Variants in HS6ST3 observed in about 807,000 individuals in gnomAD.
HS6ST3 encodes the protein heparan sulfate 6-O-sulfotransferase 3.
Under a neutral mutation model 36.7 loss-of-function variants are expected in HS6ST3, and 12 were observed. The ratio of observed to expected loss-of-function variants is 0.33; its 90% CI spans 0.21 to 0.53. The LOEUF is 0.53. Among genes scored for constraint, HS6ST3 ranks in the 20% least tolerant of loss-of-function variants. The pLI, the probability that HS6ST3 is intolerant of heterozygous loss-of-function variation, is 0.95. For missense variants in HS6ST3, 584 were observed against 640.9 expected (o/e 0.91, Z 0.96); for synonymous variants, 240 against 257.5 (o/e 0.93, Z 0.65).
intron 1 of HS6ST3, among the ~76,000 whole-genome samples, chr13:96,097,420 T>C (rs1390095517): frequency 1.3e-5 from 2 of 152,182 alleles, no homozygotes; most frequent in Non-Finnish European, 2.9e-5. Context: ...AATCCTAATG[T>C]GATTTTAAGA....
intron 1 of HS6ST3, among the ~76,000 whole-genome samples, chr13:96,104,486 T>C (rs1473877239): frequency 1.3e-5 from 2 of 152,208 alleles, no homozygotes; most frequent in African/African-American, 2.4e-5. Flanking sequence ...TTGCTGACCC[T>C]GAAGGAACTG....
chr13:96,193,504 C>T (rs1174509295), intron 1 of HS6ST3, among the ~76,000 whole-genome samples: 3 of 151,946 alleles, frequency 2.0e-5, no homozygotes, highest in Admixed American at 6.6e-5. Context: ...CTGGGGGAGG[C>T]TAGGGATAAA....
chr13:96,461,575 C>G (rs2055784439), intron 1 of HS6ST3, among the ~76,000 whole-genome samples: 1 of 152,152 alleles, frequency 6.6e-6, no homozygotes, highest in Admixed American at 6.5e-5. Context: ...TTTTAAAAAT[C>G]TTTTAAACTG....
chr13:96,544,688 C>T (rs1384247974), intron 1 of HS6ST3, among the ~76,000 whole-genome samples: 1 of 152,080 alleles, frequency 6.6e-6, no homozygotes, highest in Non-Finnish European at 1.5e-5. Context: ...TATTTTTCAG[C>T]GTTGACCCTC....
intron 1 of HS6ST3, among the ~76,000 whole-genome samples, chr13:96,685,257 C>T: frequency 6.6e-6 from 1 of 152,024 alleles, no homozygotes; most frequent in East Asian, 1.9e-4. Context: ...TTGCTTAAGT[C>T]AAGAGGATTT....
chr13:96,313,389 T>A (rs939969001), intron 1 of HS6ST3, among the ~76,000 whole-genome samples: 1 of 151,942 alleles, frequency 6.6e-6, no homozygotes, highest in Non-Finnish European at 1.5e-5. Context: ...ATCCCTATCA[T>A]GTTTAAAGGC....
chr13:96,462,607 A>G (rs925450005), intron 1 of HS6ST3, among the ~76,000 whole-genome samples: 1 of 152,180 alleles, frequency 6.6e-6, no homozygotes, highest in Non-Finnish European at 1.5e-5. Context: ...TTTATTATAC[A>G]GGAGATTTCA....
intron 1 of HS6ST3, among the ~76,000 whole-genome samples, chr13:96,327,502 T>G (rs1207208937): frequency 6.6e-6 from 1 of 152,046 alleles, no homozygotes; most frequent in Non-Finnish European, 1.5e-5. Context: ...ATATGTGGCG[T>G]TATTTCTGAG....
chr13:96,272,930 T>C (rs2054728347), intron 1 of HS6ST3, among the ~76,000 whole-genome samples: 1 of 151,976 alleles, frequency 6.6e-6, no homozygotes, highest in African/African-American at 2.4e-5. Context: ...GTCTTATTCA[T>C]TGTGTTATCC....
intron 1 of HS6ST3, among the ~76,000 whole-genome samples, chr13:96,435,141 A>G (rs1156630142): frequency 1.3e-5 from 2 of 152,216 alleles, no homozygotes; most frequent in East Asian, 1.9e-4. Context: ...TGAAAATTCT[A>G]ATTGCAGTGG....
At chr13:96,604,450 C>T (rs1000767586) in intron 1 of HS6ST3, among the ~76,000 whole-genome samples, 4 of 152,224 alleles carry the variant, frequency 2.6e-5, no homozygotes, top group African/African-American at 7.2e-5. Context: ...GATGACAATG[C>T]ATATTGGTTG....
intron 1 of HS6ST3, among the ~76,000 whole-genome samples, chr13:96,197,418 A>G (rs993161713): frequency 1.3e-5 from 2 of 152,224 alleles, no homozygotes; most frequent in African/African-American, 2.4e-5. Flanking sequence ...GGGAGCTACA[A>G]TTCAAGTTGA....
At chr13:96,314,809 T>C (rs1297954315) in intron 1 of HS6ST3, among the ~76,000 whole-genome samples, 1 of 152,216 alleles carries the variant, frequency 6.6e-6, no homozygotes, top group Non-Finnish European at 1.5e-5. Context: ...GAATCCTCTA[T>C]TTATTGGCCA....
chr13:96,558,487 A>G (rs1025585394), intron 1 of HS6ST3, among the ~76,000 whole-genome samples: 5 of 152,198 alleles, frequency 3.3e-5, no homozygotes, highest in Non-Finnish European at 7.3e-5. Context: ...CTGAGCTATA[A>G]GAGGTTCATT....
intron 1 of HS6ST3, among the ~76,000 whole-genome samples, chr13:96,138,395 TTTATAAATATATATTTAC>T (rs1326497718): frequency 1.3e-4 from 6 of 46,118 alleles, no homozygotes; most frequent in Non-Finnish European, 2.7e-4. Context: ...ATGTTTACAG[TTTATAAATATATATTTAC>T]AGTTTATAAA....
intron 1 of HS6ST3, among the ~76,000 whole-genome samples, chr13:96,453,532 C>T (rs1409782805): frequency 6.6e-6 from 1 of 152,226 alleles, no homozygotes; most frequent in Non-Finnish European, 1.5e-5. Context: ...AGAACCATCT[C>T]TCAACAGCCA....
rs569809527 is a variant in HS6ST3, at chr13:96,711,480, A to G, written c.708-121010A>G. 4.1e-4 allele frequency among the ~76,000 whole-genome samples: 63 copies of G among 152,370 alleles called. 3 individuals are homozygous for G. The South Asian group carries it at 6.8e-3, about 17-fold the overall frequency. On this transcript the variant is annotated intron_variant, in intron 1 of 1. Coordinates refer to ENST00000376705, the MANE Select transcript of HS6ST3 (RefSeq NM_153456.4). ...TTTTTATTGGGAAATATATAAATTT[A>G]CTAAGTAATTCTCTGTGTGAAAATA...
chr13:96,214,415 T>A (rs531948393), intron 1 of HS6ST3, among the ~76,000 whole-genome samples: 16 of 152,238 alleles, frequency 1.1e-4, no homozygotes, highest in African/African-American at 3.1e-4. Context: ...GTGGTCTGTT[T>A]CCCCCAGACT....
At chr13:96,769,771 TGTGC>T (rs1250857760) in intron 1 of HS6ST3, among the ~76,000 whole-genome samples, 90 of 141,130 alleles carry the variant, frequency 6.4e-4, no homozygotes, top group Non-Finnish European at 1.0e-3. Context: ...TGTGTGTGTG[TGTGC>T]GCACATATGT....
Sources: allele counts gnomAD v4.1 joint callset (sites outside exome capture counted in the v4.1 genomes callset), GRCh38; gene constraint gnomAD v4.1.1; transcripts MANE v1.5; gene names NCBI Gene and HGNC (gene_info 2026-07-23, HGNC 2026-07-21).